The following PDSS2 variants were observed in gnomAD, a reference collection of about 807,000 sequenced individuals.
PDSS2 encodes the protein decaprenyl diphosphate synthase subunit 2.
Under a neutral mutation model 44.5 loss-of-function variants are expected in PDSS2, and 31 were observed. The ratio of observed to expected loss-of-function variants is 0.70; its 90% CI spans 0.52 to 0.94. The LOEUF is 0.94. Among genes scored for constraint, PDSS2 ranks in the 40% least tolerant of loss-of-function variants. The pLI is 0.00. For missense variants in PDSS2, 452 were observed against 482.2 expected (o/e 0.94, Z 0.59); for synonymous variants, 157 against 180.3 (o/e 0.87, Z 1.03).
At chr6:107,234,351 G>A (rs1028239126) in intron 4 of PDSS2, among the ~76,000 whole-genome samples, 4 of 152,052 alleles carry the variant, frequency 2.6e-5, no homozygotes, top group South Asian at 4.2e-4. Context: ...GACTATAGGC[G>A]CGTGCCACTA....
At position 107,335,161 on chromosome 6, in the gene PDSS2, CAAAAAAAAAAAA is replaced by C. The variant is rs765731620; in HGVS notation, c.297-841_297-830del. Among the ~76,000 whole-genome samples, 59 of 64,164 alleles carry C rather than the reference CAAAAAAAAAAAA, an allele frequency of 9.2e-4. 1 individual carries two copies. The highest frequency in any genetic ancestry group is 2.2e-4 in the Non-Finnish European group (7 of 31,164). 42.1% of individuals were successfully genotyped at this position (64,164 alleles called of 152,430 possible). A position where few individuals can be genotyped will look rare whatever the true frequency, so the allele number is the denominator to read the frequency against. On this transcript the variant is annotated intron_variant, in intron 1 of 7. Transcript: ENST00000369037. ...GGGAGACGGATTGAGACTCTGTTTC[CAAAAAAAAAAAA>C]AAAAAAAAAAAGTGACAATCTCACA...
At chr6:107,434,652 C>G (rs747193484) in intron 1 of PDSS2, among the ~76,000 whole-genome samples, 1 of 151,890 alleles carries the variant, frequency 6.6e-6, no homozygotes, top group Non-Finnish European at 1.5e-5. Flanking sequence ...ACAAAAATAT[C>G]GTTAAAATGA....
chr6:107,161,950 G>T (rs1047928203), intron 7 of PDSS2, among the ~76,000 whole-genome samples: 13 of 152,106 alleles, frequency 8.5e-5, no homozygotes, highest in Non-Finnish European at 1.5e-5. Context: ...TCTCTTGGGG[G>T]ACAAAAGCCT....
intron 2 of PDSS2, among the ~76,000 whole-genome samples, chr6:107,290,240 A>C (rs960995901): frequency 3.3e-5 from 5 of 152,210 alleles, no homozygotes; most frequent in Non-Finnish European, 7.3e-5. Context: ...TAGAATGTGA[A>C]CTCTAAGGTG....
At chr6:107,307,247 C>T (rs1284141605) in intron 2 of PDSS2, among the ~76,000 whole-genome samples, 1 of 152,186 alleles carries the variant, frequency 6.6e-6, no homozygotes, top group African/African-American at 2.4e-5. Context: ...ACACCATAAA[C>T]ACAATCACAA....
At chr6:107,158,857 T>TA (rs1410885652) in intron 7 of PDSS2, among the ~76,000 whole-genome samples, 7 of 152,014 alleles carry the variant, frequency 4.6e-5, no homozygotes, top group Admixed American at 2.6e-4. Context: ...GCCTCCCAAG[T>TA]AGCTGGGATT....
At chr6:107,162,625 T>TTTTTTTTTTGG (rs1771186804) in intron 7 of PDSS2, among the ~76,000 whole-genome samples, 1 of 147,742 alleles carries the variant, frequency 6.8e-6, no homozygotes, top group Non-Finnish European at 1.5e-5. Flanking sequence ...TTTTTTTTTT[T>TTTTTTTTTTGG]GAGATGGAGT....
chr6:107,351,887 A>T (rs1016195328), intron 1 of PDSS2, among the ~76,000 whole-genome samples: 2 of 152,218 alleles, frequency 1.3e-5, no homozygotes, highest in African/African-American at 4.8e-5. Context: ...ATATTGATAT[A>T]CGTTTCTGAA....
intron 2 of PDSS2, among the ~76,000 whole-genome samples, chr6:107,283,288 C>T (rs1022855582): frequency 1.1e-4 from 16 of 150,536 alleles, no homozygotes; most frequent in East Asian, 2.0e-4. Flanking sequence ...TTTGCAACAC[C>T]GCACTCCAGC....
At chr6:107,159,793 C>G (rs782454234) in intron 7 of PDSS2, among the ~76,000 whole-genome samples, 1 of 152,108 alleles carries the variant, frequency 6.6e-6, no homozygotes, top group Non-Finnish European at 1.5e-5. Flanking sequence ...TTCTAGACTT[C>G]TAGGTTAGCA....
intron 1 of PDSS2, among the ~76,000 whole-genome samples, chr6:107,342,186 T>TAA (rs772609244): frequency 3.0e-5 from 4 of 134,614 alleles, no homozygotes; most frequent in Admixed American, 7.6e-5. Flanking sequence ...AGAATAGTTC[T>TAA]AAAAAAAAAA....
chr6:107,446,486 C>T (rs1781687832), intron 1 of PDSS2, among the ~76,000 whole-genome samples: 1 of 152,100 alleles, frequency 6.6e-6, no homozygotes, highest in African/African-American at 2.4e-5. Context: ...CCATTTTCAG[C>T]ATCTTTTAAC....
At chr6:107,170,681 C>T (rs142010541) in intron 7 of PDSS2, among the ~76,000 whole-genome samples, 10,121 of 147,902 alleles carry the variant, frequency 0.068, 1,195 homozygotes, top group African/African-American at 0.24. Flanking sequence ...GGCACAATCT[C>T]GGCTCACTGC....
chr6:107,228,038 A>T (rs1172395862), intron 4 of PDSS2, among the ~76,000 whole-genome samples: 1 of 152,168 alleles, frequency 6.6e-6, no homozygotes, highest in Non-Finnish European at 1.5e-5. Flanking sequence ...GTATTCTGTT[A>T]AACACTTTAC....
chr6:107,233,263 A>C (rs965382424), intron 4 of PDSS2, among the ~76,000 whole-genome samples: 1 of 152,114 alleles, frequency 6.6e-6, no homozygotes, highest in African/African-American at 2.4e-5. Flanking sequence ...ACAATTTTAC[A>C]TGTGGTCTTA....
At chr6:107,326,111 T>C (rs901159188) in intron 2 of PDSS2, among the ~76,000 whole-genome samples, 7 of 151,044 alleles carry the variant, frequency 4.6e-5, no homozygotes, top group African/African-American at 1.5e-4. Context: ...TTTCTTTTTT[T>C]TTTTTTTTTG....
chr6:107,414,561 A>C (rs1176344704), intron 1 of PDSS2, among the ~76,000 whole-genome samples: 1 of 152,230 alleles, frequency 6.6e-6, no homozygotes, highest in Admixed American at 6.5e-5. Flanking sequence ...GGCTGCCTAA[A>C]CTGGATGCCA....
chr6:107,324,628 GGTGA>G (rs1777481699), intron 2 of PDSS2, among the ~76,000 whole-genome samples: 1 of 152,056 alleles, frequency 6.6e-6, no homozygotes, highest in African/African-American at 2.4e-5. Context: ...GTTATTAGCA[GGTGA>G]GTAAGGTTCC....
intron 1 of PDSS2, among the ~76,000 whole-genome samples, chr6:107,458,411 T>TTAAAAAAAAAAAAA (rs1782119719): frequency 6.9e-5 from 1 of 14,546 alleles, no homozygotes; most frequent in Non-Finnish European, 2.0e-4. Flanking sequence ...AGACTCCGTC[T>TTAAAAAAAAAAAAA]CAAAAAAAAA....
Sources: gnomAD v4.1 joint callset for allele counts (sites outside exome capture counted in the v4.1 genomes callset) on GRCh38, gnomAD v4.1.1 for gene constraint, MANE v1.5 for transcripts, NCBI Gene and HGNC (gene_info 2026-07-23, HGNC 2026-07-21) for gene names.